The following RINL variants were observed in gnomAD, a reference collection of about 807,000 sequenced individuals.
RINL encodes Ras and Rab interactor like.
In RINL, 39 loss-of-function variants were observed where a neutral mutation model predicts 58.1. The ratio of observed to expected loss-of-function variants is 0.67; its 90% confidence interval spans 0.52 to 0.88. RINL has a LOEUF of 0.88. Among genes scored for constraint, RINL ranks in the 40% least tolerant of loss-of-function variants. RINL has a pLI of 0.00. For synonymous variants in RINL, 286 were observed against 323.1 expected (o/e 0.89, Z 1.23); for missense variants, 711 against 749.2 (o/e 0.95, Z 0.60).
intron 1 of RINL, 117 bp from the exon 2 acceptor site, chr19:38,876,898 G>T: frequency 1.6e-6 from 1 of 630,640 alleles, no homozygotes; most frequent in South Asian, 1.9e-5. Context: ...GAGGCCGCTT[G>T]CCGTGGCAGG....
chr19:38,869,955 C>G lies in RINL; in HGVS notation c.1330G>C (p.Gly444Arg). The change falls in exon 9 of 12, where the codon GGC becomes CGC. Residue 444 changes from glycine to arginine, a missense_variant. Physicochemically the swap from Gly to Arg is moderately radical, Grantham distance 125. Coordinates refer to ENST00000591812, the MANE Select transcript of RINL (RefSeq NM_001195833.2). The surrounding 1 kb of genome is among the most constrained non-coding windows in gnomAD (Gnocchi z 5.7). ...CRDVYAGLAR[G>R]ENQDPLGADA... is the part of the protein sequence containing the mutation. ...ACCCCTCCCTTACCTTGGTTCTCGCCTCGAGCCAGGCCCGCATAGACATCT... is the reference window on the plus strand; with the variant it reads ...ACCCCTCCCTTACCTTGGTTCTCGCGTCGAGCCAGGCCCGCATAGACATCT... The G allele has an allele frequency of 6.3e-7, 1 of 1,598,458 alleles. No individual in the cohort carries two copies. Among genetic ancestry groups the G allele is most frequent in the Non-Finnish European group, 8.5e-7 (1 of 1,173,856 alleles).
At chr19:38,876,555 C>A in intron 2 of RINL, 65 bp from the exon 3 acceptor site, 1 of 1,498,514 alleles carries the variant, frequency 6.7e-7, no homozygotes, top group South Asian at 1.2e-5. Flanking sequence ...GAGGTGAGGT[C>A]AAAGGTACAG....
At chr19:38,871,461 C>G (rs1365816647) in intron 6 of RINL, 186 bp downstream of exon 6, 1 of 688,726 alleles carries the variant, frequency 1.5e-6, no homozygotes, top group Non-Finnish European at 2.5e-6. Context: ...CTGTTAGGAC[C>G]TAGGAATACA....
rs1407085251 is a variant in RINL, at chr19:38,876,792, G to A, written c.-39-11C>T. 1 of 1,453,700 alleles carries A rather than the reference G, an allele frequency of 6.9e-7. No individual in the cohort carries two copies. The highest frequency in any genetic ancestry group is 9.3e-7 in the Non-Finnish European group (1 of 1,071,926). The allele number at this position is 1,453,700 out of a possible 1,614,324, so 90.1% of individuals were successfully genotyped here. On this transcript the variant is annotated splice_polypyrimidine_tract_variant and intron_variant, in intron 1 of 11. Coordinates refer to ENST00000591812, the MANE Select transcript of RINL (RefSeq NM_001195833.2). ...GTCATGACCTGGCCTCTGGCAGGGA[G>A]AAAGGTAAGACTCAAAGCTGCTCTA...
chr19:38,871,340 T>C, intron 6 of RINL, 113 bp from the exon 7 acceptor site: 1 of 1,216,930 alleles, frequency 8.2e-7, no homozygotes, highest in Non-Finnish European at 1.2e-6. Context: ...TGCTGAGGCT[T>C]AGCTCCTGGC....
At position 38,867,988 on chromosome 19, in the gene RINL, C is replaced by T. The variant is rs933015168; in HGVS notation, c.*1116G>A. 1 of 152,056 alleles carries T rather than the reference C, an allele frequency of 6.6e-6. No homozygotes were observed. The highest frequency in any genetic ancestry group is 6.6e-5 in the Admixed American group (1 of 15,254). The allele number at this position is 152,056 out of a possible 1,614,324, so 9.4% of individuals were successfully genotyped here. A position where few individuals can be genotyped will look rare whatever the true frequency, so the allele number is the denominator to read the frequency against. On this transcript the variant is annotated 3_prime_UTR_variant, in exon 12 of 12. Transcript: ENST00000591812. ...TGAGATGGTGTTTCACTCTTGTTGC[C>T]CAGGCTGGAGTGCAATGGCGCAATC...
rs1371599125 is a variant in RINL, at chr19:38,876,454, G to C, written c.87C>G (p.Thr29=). Residue 29 remains threonine, a synonymous_variant, in exon 3 of 12, where the codon ACC becomes ACG. Transcript: ENST00000591812. ...CTAGGGTGCTGAGGACCCCTAGAGGGGTCCTGTCTGCTTTGTTCACCTGTG... is the reference window on the plus strand; with the variant it reads ...CTAGGGTGCTGAGGACCCCTAGAGGCGTCCTGTCTGCTTTGTTCACCTGTG... ...VPPQVNKADR[T]PLGVLSTLEP... The C allele has an allele frequency of 6.5e-7, 1 of 1,536,032 alleles. No homozygotes were observed. The highest frequency in any genetic ancestry group is 2.0e-5 in the Admixed American group (1 of 50,994).
chr19:38,874,773 T>C (rs1972883913), intron 3 of RINL, among the ~76,000 whole-genome samples: 1 of 152,206 alleles, frequency 6.6e-6, no homozygotes, highest in South Asian at 2.1e-4. Context: ...ATGATTGATA[T>C]ATGGATCATG....
rs200161719 is a variant in RINL at position 38,869,543 on chromosome 19, G to A, written c.1474+30C>T. ...GGATCCCGGAGGTACTGGATCGCTG[G>A]GCTCCAGCATTCTGGAGTTGGGGGC... On this transcript the variant is annotated intron_variant, in intron 10 of 11. Transcript: ENST00000591812. The surrounding 1 kb of genome is among the most constrained non-coding windows in gnomAD (Gnocchi z 5.7). 551 of 1,610,860 alleles carry A rather than the reference G, an allele frequency of 3.4e-4. 2 individuals carry two copies. In the South Asian group the frequency reaches 4.5e-3, roughly 13 times the overall value.
At chr19:38,876,240 G>A (rs1972921643) in intron 3 of RINL, 91 bp downstream of exon 3, 22 of 1,301,236 alleles carry the variant, frequency 1.7e-5, no homozygotes, top group Non-Finnish European at 2.3e-5. Context: ...TAGCCTTTTT[G>A]GTTTGCCCAA....
chr19:38,869,686 G>T lies in RINL; in HGVS notation c.1361C>A (p.Ala454Asp). 1.2e-6 allele frequency: 2 copies of T among 1,613,858 alleles called. No individual in the cohort carries two copies. The highest frequency in any genetic ancestry group is 1.7e-6 in the Non-Finnish European group (2 of 1,179,996). ...GENQDPLGAD[A>D]FLPALTEELI... is the part of the protein sequence containing the mutation. ...TTCCTCGGTCAGCGCCGGCAGGAAG[G>T]CGTCGGCCCCCAGGGGATCTGGGAA... The change falls in exon 10 of 12, where the codon GCC becomes GAC. Residue 454 changes from alanine (A) to aspartate (D), a missense_variant. By Grantham distance (126) the Ala-to-Asp change is moderately radical. Coordinates refer to ENST00000591812, the MANE Select transcript of RINL (RefSeq NM_001195833.2). This position sits in a 1 kb window ranked among gnomAD's most constrained non-coding sequence, Gnocchi z 5.7.
rs181445889 is a variant in RINL at position 38,873,994 on chromosome 19, G to T, written c.211-6C>A. 4.6e-6 allele frequency: 7 copies of T among 1,517,814 alleles called. No individual in the cohort carries two copies. The Admixed American group carries it at 9.8e-5, about 21-fold the overall frequency. The allele number at this position is 1,517,814 out of a possible 1,614,324, so 94.0% of individuals were successfully genotyped here. On this transcript the variant is annotated splice_polypyrimidine_tract_variant and splice_region_variant and intron_variant, in intron 3 of 11. Coordinates refer to ENST00000591812, the MANE Select transcript of RINL (RefSeq NM_001195833.2). Reference sequence around the variant, plus strand: ...CGTCCTGTGACCAAGAAACTCTGGGGGATAGAGACAAAGGCCAGCGTGACA... The same window carrying T: ...CGTCCTGTGACCAAGAAACTCTGGGTGATAGAGACAAAGGCCAGCGTGACA...
intron 4 of RINL, among the ~76,000 whole-genome samples, chr19:38,872,484 C>CAATAAATA (rs559628594): frequency 6.6e-6 from 1 of 151,434 alleles, no homozygotes; most frequent in African/African-American, 2.4e-5. Context: ...GAGACTATCT[C>CAATAAATA]AATAAATAAA....
In RINL at chr19:38,868,981, T is replaced by TTTGTA; in HGVS notation, c.*122_*123insTACAA. On this transcript the variant is annotated 3_prime_UTR_variant, in exon 12 of 12. Transcript: ENST00000591812. Reference sequence around the variant, plus strand: ...GCTAATTTTTGTTTTTTTTTTTTTTTGGTAGATGGGGGTCCCACTGTTTTG... The same window carrying TTTGTA: ...GCTAATTTTTGTTTTTTTTTTTTTTTTTGTAGGTAGATGGGGGTCCCACTGTTTTG... The TTTGTA allele has an allele frequency of 1.2e-6, 1 of 813,218 alleles. No homozygotes were observed. The highest frequency in any genetic ancestry group is 1.9e-6 in the Non-Finnish European group (1 of 539,584). 50.4% of individuals were successfully genotyped at this position (813,218 alleles called of 1,614,324 possible).
rs1469885490 is a variant in RINL, at chr19:38,869,276, GCGTCCGC to G, written c.1602_1608del (p.Arg534SerfsTer25). 13 of 1,614,124 alleles carry G rather than the reference GCGTCCGC, an allele frequency of 8.1e-6. No homozygotes were observed. The highest frequency in any genetic ancestry group is 1.1e-5 in the Non-Finnish European group (13 of 1,180,012). On this transcript the variant is annotated frameshift_variant, in exon 11 of 12. Coordinates refer to ENST00000591812, the MANE Select transcript of RINL (RefSeq NM_001195833.2). LOFTEE classifies it low-confidence loss of function (END_TRUNC). The surrounding 1 kb of genome is among the most constrained non-coding windows in gnomAD (Gnocchi z 5.7). ...GCTCTGGGATGATCCTTTCTGTGCAGCGTCCGCCTGCGGTGCCACTGGTGCAGGGAGG... is the reference window on the plus strand; with the variant it reads ...GCTCTGGGATGATCCTTTCTGTGCAGCTGCGGTGCCACTGGTGCAGGGAGG...
chr19:38,870,569 C>T lies in RINL; in HGVS notation c.1024+1G>A. The T allele has an allele frequency of 1.3e-6, 2 of 1,559,542 alleles. No individual in the cohort carries two copies. Among genetic ancestry groups the T allele is most frequent in the Non-Finnish European group, 1.7e-6 (2 of 1,152,564 alleles). On this transcript the variant is annotated splice_donor_variant, in intron 8 of 11. Transcript: ENST00000591812. LOFTEE classifies it high-confidence loss of function. This position sits in a 1 kb window ranked among gnomAD's most constrained non-coding sequence, Gnocchi z 5.8. ...GGGCTCCCTTCCAGTCCTCCCATTA[C>T]CTGGATCCTCGTCCTTCTTGGGGAG...
chr19:38,872,445 C>T (rs1249033717), intron 4 of RINL, among the ~76,000 whole-genome samples: 8 of 151,972 alleles, frequency 5.3e-5, no homozygotes. Context: ...GAGATTAAGC[C>T]ATTGCACTCC....
Position 38,870,064 on chromosome 19 carries a change from C to G in RINL, c.1221G>C (p.Arg407=). The G allele has an allele frequency of 6.5e-7, 1 of 1,528,872 alleles. No individual in the cohort carries two copies. Among genetic ancestry groups the G allele is most frequent in the Non-Finnish European group, 8.7e-7 (1 of 1,143,036 alleles). The allele number at this position is 1,528,872 out of a possible 1,614,324, so 94.7% of individuals were successfully genotyped here. A position where few individuals can be genotyped will look rare whatever the true frequency, so the allele number is the denominator to read the frequency against. ...GCGCAAGGCGCTCGTGGATGCGGCT[C>G]CGCAAGGCGGGGGCGGGGCTCTGCC... is the stretch of plus-strand genomic sequence containing the variant. ...PEGQSPAPAL[R]SRIHERLAHL... Residue 407 remains arginine (R), a synonymous_variant, in exon 9 of 12, where the codon CGG becomes CGC. Transcript: ENST00000591812. The surrounding 1 kb of genome is among the most constrained non-coding windows in gnomAD (Gnocchi z 5.8).
Position 38,869,596 on chromosome 19 carries a change from T to G in RINL, c.1451A>C (p.Asp484Ala). The change falls in exon 10 of 12, where the codon GAT (aspartate) becomes GCT (alanine). Residue 484 changes from aspartate to alanine, a missense_variant. Coordinates refer to ENST00000591812, the MANE Select transcript of RINL (RefSeq NM_001195833.2). The surrounding 1 kb of genome is among the most constrained non-coding windows in gnomAD (Gnocchi z 5.7). ...ACCCTCTCCCCGCAGCTCATCTGGA[T>G]CTAAGAGCTCCATAAGAAACTCTAC... ...LDVEFLMELL[D>A]PDELRGEAGY... 3.7e-6 allele frequency: 6 copies of G among 1,613,800 alleles called. No individual in the cohort carries two copies. Among genetic ancestry groups the G allele is most frequent in the Non-Finnish European group, 5.1e-6 (6 of 1,179,982 alleles).
Sources: gnomAD v4.1 joint callset for allele counts (sites outside exome capture counted in the v4.1 genomes callset) on GRCh38, gnomAD v4.1.1 for gene constraint, Gnocchi (gnomAD v3.1) non-coding constraint, MANE v1.5 for transcripts, NCBI Gene and HGNC (gene_info 2026-07-23, HGNC 2026-07-21) for gene names.